SHTN1: variants seen among roughly 807,000 people sequenced by gnomAD.
The protein encoded by SHTN1 is shootin 1.
In SHTN1, 42 loss-of-function variants were observed where a neutral mutation model predicts 83.1. The observed-to-expected ratio is 0.51, with a 90% confidence interval of 0.39 to 0.65. SHTN1 has a LOEUF of 0.65. SHTN1 is among the 30% of genes least tolerant of loss of function. The pLI is 0.00. For missense variants in SHTN1, 622 were observed against 737.8 expected (o/e 0.84, Z 1.82); for synonymous variants, 224 against 247.7 (o/e 0.90, Z 0.90).
intron 1 of SHTN1, among the ~76,000 whole-genome samples, chr10:117,065,044 A>T (rs982124328): frequency 6.6e-6 from 1 of 152,188 alleles, no homozygotes; most frequent in African/African-American, 2.4e-5. Context: ...TTCTCAGCAA[A>T]CTAACACAGG....
Position 116,881,977 on chromosome 10 carries a change from T to C in SHTN1, c.*4367A>G. ...TTTTTGTTGCCAACTCCACACTCAG[T>C]CAAACACCCCATCCTTTACCAATCA... On this transcript the variant is annotated 3_prime_UTR_variant, in exon 17 of 17. Coordinates refer to ENST00000355371, the MANE Select transcript of SHTN1 (RefSeq NM_001127211.3). 4.3e-6 allele frequency: 1 copy of C among 232,046 alleles called. No homozygotes were observed. Among genetic ancestry groups the C allele is most frequent in the Non-Finnish European group, 8.2e-6 (1 of 121,974 alleles). The allele number at this position is 232,046 out of a possible 1,614,324, so 14.4% of individuals were successfully genotyped here.
At chr10:116,953,342 A>G (rs916074771) in intron 5 of SHTN1, among the ~76,000 whole-genome samples, 18 of 152,174 alleles carry the variant, frequency 1.2e-4, no homozygotes, top group African/African-American at 4.3e-4. Context: ...CTTTCATTTA[A>G]CAAAAATATC....
At chr10:117,120,802 A>AC (rs1853911906) in intron 1 of SHTN1, among the ~76,000 whole-genome samples, 2 of 122,820 alleles carry the variant, frequency 1.6e-5, no homozygotes, top group Non-Finnish European at 3.4e-5. Flanking sequence ...TCCCAAGTAC[A>AC]CTGATTTGAT....
chr10:116,960,779 C>A (rs1183229261), intron 3 of SHTN1, among the ~76,000 whole-genome samples: 1 of 152,148 alleles, frequency 6.6e-6, no homozygotes, highest in Non-Finnish European at 1.5e-5. Flanking sequence ...AAGTAACTCT[C>A]AGGCAGAAAA....
intron 1 of SHTN1, among the ~76,000 whole-genome samples, chr10:117,122,418 A>G (rs1853943788): frequency 6.6e-6 from 1 of 152,088 alleles, no homozygotes; most frequent in Non-Finnish European, 1.5e-5. Flanking sequence ...GGCTCAAGCG[A>G]TCCTCTCACC....
At chr10:116,904,195 T>G (rs562527898) in intron 15 of SHTN1, among the ~76,000 whole-genome samples, 2 of 152,326 alleles carry the variant, frequency 1.3e-5, no homozygotes, top group South Asian at 4.1e-4. Context: ...TTCAAGTACC[T>G]GAGACACCAA....
chr10:117,054,230 G>A (rs780957756), intron 1 of SHTN1, among the ~76,000 whole-genome samples: 5 of 152,016 alleles, frequency 3.3e-5, no homozygotes, highest in Non-Finnish European at 2.9e-5. Flanking sequence ...CAACTGACCA[G>A]CATTAATGTT....
At chr10:116,923,752 T>C (rs1848644749) in intron 11 of SHTN1, among the ~76,000 whole-genome samples, 1 of 152,190 alleles carries the variant, frequency 6.6e-6, no homozygotes, top group African/African-American at 2.4e-5. Context: ...GGTCTCATCA[T>C]GTTGCCCAGG....
chr10:116,901,900 A>G lies in SHTN1; in HGVS notation c.1538T>C (p.Val513Ala). The change falls in exon 16 of 17, where the codon GTA becomes GCA. Residue 513 changes from valine to alanine, a missense_variant. Val to Ala is a moderately conservative substitution (Grantham distance 64). Transcript: ENST00000355371. ...CAAGGCTGTTTTTGTTACACTGGAT[A>G]CAGAACCCAACACTGGCATGGATTT... ...ESKSMPVLGS[V>A]SSVTKTALNK... 25 of 1,607,418 alleles carry G rather than the reference A, an allele frequency of 1.6e-5. No individual in the cohort carries two copies. Among genetic ancestry groups the G allele is most frequent in the Non-Finnish European group, 2.1e-5 (25 of 1,177,796 alleles).
chr10:116,915,588 A>G (rs1848356101), intron 12 of SHTN1, 104 bp from the exon 13 acceptor site: 2 of 666,978 alleles, frequency 3.0e-6, no homozygotes, highest in East Asian at 5.3e-5. Flanking sequence ...AATCACAGTC[A>G]TTTTTCATTC....
chr10:116,909,197 T>TA (rs1401884704), intron 14 of SHTN1, among the ~76,000 whole-genome samples: 2 of 152,274 alleles, frequency 1.3e-5, no homozygotes, highest in Middle Eastern at 3.4e-3. Context: ...ATCTAGAACT[T>TA]AGATTTCCCA....
At chr10:117,107,798 T>C (rs116529765) in intron 1 of SHTN1, among the ~76,000 whole-genome samples, 1,828 of 151,932 alleles carry the variant, frequency 0.012, 32 homozygotes, top group African/African-American at 0.041. Context: ...AGAGGGGAGG[T>C]TTCCCTCAGC....
At chr10:117,032,582 C>A (rs1852433934) in intron 2 of SHTN1, among the ~76,000 whole-genome samples, 1 of 152,112 alleles carries the variant, frequency 6.6e-6, no homozygotes, top group African/African-American at 2.4e-5. Flanking sequence ...GAGAGACAGG[C>A]CCCAGTACAA....
In SHTN1 at chr10:117,042,439, C is replaced by A. The variant is rs528523625; in HGVS notation, c.-123+6006G>T. Among the ~76,000 whole-genome samples, 6 of 152,288 alleles carry A rather than the reference C, an allele frequency of 3.9e-5. No individual in the cohort carries two copies. The East Asian group carries it at 1.2e-3, about 29-fold the overall frequency. The stretch of plus-strand genomic sequence containing the variant: ...GGAAGTCCCACACCAACATTTTTAA[C>A]CATCTTTCAGTAGTTACATTTGATA... On this transcript the variant is annotated intron_variant, in intron 2 of 17. Transcript: ENST00000392901.
At chr10:116,915,668 T>C (rs913055879) in intron 12 of SHTN1, among the ~76,000 whole-genome samples, 184 bp from the exon 13 acceptor site, 4 of 152,180 alleles carry the variant, frequency 2.6e-5, no homozygotes, top group Non-Finnish European at 5.9e-5. Context: ...AAAAAACTTT[T>C]AGAGAAAAAA....
At chr10:116,950,343 A>C (rs969948849) in intron 6 of SHTN1, among the ~76,000 whole-genome samples, 1 of 151,928 alleles carries the variant, frequency 6.6e-6, no homozygotes, top group East Asian at 1.9e-4. Flanking sequence ...ATTTTTAAAA[A>C]TTTTTTTGAG....
At chr10:116,948,801 T>C (rs556376702) in intron 7 of SHTN1, 115 bp downstream of exon 7, 5 of 442,102 alleles carry the variant, frequency 1.1e-5, no homozygotes, top group Middle Eastern at 3.5e-4. Flanking sequence ...AATCACAATA[T>C]AGGAGAAGAT....
At chr10:117,098,721 A>C (rs944830944) in intron 1 of SHTN1, among the ~76,000 whole-genome samples, 45 of 152,258 alleles carry the variant, frequency 3.0e-4, no homozygotes, top group African/African-American at 1.0e-3. Flanking sequence ...AAATAGAAGA[A>C]AAAGAATGCA....
intron 1 of SHTN1, among the ~76,000 whole-genome samples, chr10:117,000,801 G>T (rs925576714): frequency 1.3e-5 from 2 of 152,224 alleles, no homozygotes; most frequent in South Asian, 2.1e-4. Context: ...CATGAGATTG[G>T]CCAAACTAGG....
Sources: allele counts gnomAD v4.1 joint callset (sites outside exome capture counted in the v4.1 genomes callset), GRCh38; gene constraint gnomAD v4.1.1; transcripts MANE v1.5; gene names NCBI Gene and HGNC (gene_info 2026-07-23, HGNC 2026-07-21).